The following NLGN4Y variants were observed in gnomAD, a reference collection of about 807,000 sequenced individuals.
NLGN4Y encodes neuroligin 4 Y-linked, also known as neuroligin-4, Y-linked.
Under a neutral mutation model 8.4 loss-of-function variants are expected in NLGN4Y, and 4 were observed. The observed-to-expected ratio is 0.48, with a 90% CI of 0.23 to 1.09. The LOEUF (loss-of-function observed/expected upper bound fraction) is 1.09. NLGN4Y is among the 50% of genes least tolerant of loss of function. NLGN4Y has a pLI of 0.19. For synonymous variants in NLGN4Y, 35 were observed against 75.6 expected (o/e 0.46, Z 2.78); for missense variants, 90 against 192.3 (o/e 0.47, Z 3.15).
At chrY:14,652,440 C>A in intron 2 of NLGN4Y, among the ~76,000 whole-genome samples, 2 of 32,422 alleles carry the variant, frequency 6.2e-5, no homozygotes, top group Non-Finnish European at 1.5e-4. Context: ...TTTTTCTTGA[C>A]GATTTCAATT....
chrY:14,587,411 A>G (rs764924662), intron 1 of NLGN4Y, among the ~76,000 whole-genome samples: 10 of 33,656 alleles, frequency 3.0e-4, no homozygotes, highest in Non-Finnish European at 5.9e-4. Flanking sequence ...CAAAAACCAC[A>G]GGGACTACAT....
chrY:14,758,979 T>A, intron 4 of NLGN4Y, among the ~76,000 whole-genome samples: 1 of 33,815 alleles, frequency 3.0e-5, no homozygotes. Flanking sequence ...ATCTTCTCTG[T>A]TACTGCTAGA....
At chrY:14,823,521 G>A (rs2043131324) in intron 4 of NLGN4Y, among the ~76,000 whole-genome samples, 1 of 33,787 alleles carries the variant, frequency 3.0e-5, no homozygotes, top group Non-Finnish European at 7.3e-5. Flanking sequence ...ATAGGAGTCT[G>A]TTGTGTTTAA....
In NLGN4Y at chrY:14,697,250, T is replaced by TAGA. The variant is rs2080831363; in HGVS notation, c.473-22209_473-22208insAGA. On this transcript the variant is annotated intron_variant, in intron 2 of 6. Transcript: ENST00000684976. ...ATAGATAGATAGATAGATAGATAGA[T>TAGA]TGATAGATAATAGATGTGAATCGAT... Among the ~76,000 whole-genome samples, 4 of 30,915 alleles carry TAGA rather than the reference T, an allele frequency of 1.3e-4. No individual in the cohort carries two copies. In the East Asian group the frequency reaches 2.6e-3, roughly 20 times the overall value. The allele number at this position is 30,915 out of a possible 37,273, so 82.9% of individuals were successfully genotyped here. A position where few individuals can be genotyped will look rare whatever the true frequency, so the allele number is the denominator to read the frequency against.
At chrY:14,745,570 C>G (rs2081022098) in intron 4 of NLGN4Y, among the ~76,000 whole-genome samples, 1 of 33,849 alleles carries the variant, frequency 3.0e-5, no homozygotes, top group South Asian at 6.5e-4. Context: ...TGGCATATTT[C>G]TTCTTGGCAA....
At chrY:14,838,211 A>G (rs1032801342) in intron 6 of NLGN4Y, among the ~76,000 whole-genome samples, 1 of 33,779 alleles carries the variant, frequency 3.0e-5, no homozygotes. Context: ...ATGCATAACA[A>G]ATAAAAAGCA....
intron 2 of NLGN4Y, among the ~76,000 whole-genome samples, chrY:14,651,173 T>G: frequency 3.0e-5 from 1 of 33,731 alleles, no homozygotes; most frequent in African/African-American, 1.2e-4. Flanking sequence ...ATATTACAAA[T>G]GACATATGTT....
chrY:14,559,325 AAATGT>A (rs2080219399), intron 1 of NLGN4Y, among the ~76,000 whole-genome samples: 4 of 33,450 alleles, frequency 1.2e-4, no homozygotes, highest in African/African-American at 4.6e-4. Context: ...ACAATGCCCT[AAATGT>A]CTTGAGTTTG....
chrY:14,647,533 T>C lies in NLGN4Y; in HGVS notation c.472+24942T>C, dbSNP rs766390774. Among the ~76,000 whole-genome samples, 22 of 33,909 alleles carry C rather than the reference T, an allele frequency of 6.5e-4. No individual in the cohort carries two copies. In the South Asian group the frequency reaches 0.014, roughly 22 times the overall value. The allele number at this position is 33,909 out of a possible 37,273, so 91.0% of individuals were successfully genotyped here. A position where few individuals can be genotyped will look rare whatever the true frequency, so the allele number is the denominator to read the frequency against. On this transcript the variant is annotated intron_variant, in intron 2 of 6. Transcript: ENST00000684976. ...AATAAAATATCATCTTTTCATCTTA[T>C]GTAGAACAACGTCTGTTTACTACTG...
chrY:14,717,054 A>G, intron 2 of NLGN4Y, among the ~76,000 whole-genome samples: 1 of 33,580 alleles, frequency 3.0e-5, no homozygotes, highest in African/African-American at 1.2e-4. Context: ...GTTTCACACC[A>G]TCCCGGACAA....
intron 1 of NLGN4Y, among the ~76,000 whole-genome samples, chrY:14,618,643 GC>G (rs2080498426): frequency 3.0e-5 from 1 of 33,620 alleles, no homozygotes; most frequent in Non-Finnish European, 7.4e-5. Flanking sequence ...CATTTGCACA[GC>G]CACTATCATT....
intron 4 of NLGN4Y, among the ~76,000 whole-genome samples, chrY:14,757,958 T>A: frequency 2.9e-5 from 1 of 34,611 alleles, no homozygotes; most frequent in Non-Finnish European, 7.3e-5. Context: ...CGATATCCTT[T>A]TTAACTTTTC....
chrY:14,697,241 A>ATAGG (rs2080831076), intron 2 of NLGN4Y, among the ~76,000 whole-genome samples: 3 of 31,760 alleles, frequency 9.4e-5, no homozygotes, highest in South Asian at 7.1e-4. Context: ...AGATAGATAG[A>ATAGG]TAGATAGATT....
intron 1 of NLGN4Y, among the ~76,000 whole-genome samples, chrY:14,580,415 A>G (rs2080314200): frequency 3.2e-5 from 1 of 31,544 alleles, no homozygotes; most frequent in Non-Finnish European, 7.6e-5. Context: ...TTTGTTTCCA[A>G]AGAAAGGCAT....
intron 2 of NLGN4Y, among the ~76,000 whole-genome samples, chrY:14,690,514 C>G: frequency 3.1e-5 from 1 of 32,471 alleles, no homozygotes; most frequent in South Asian, 6.8e-4. Context: ...AAAAAGTGAA[C>G]AAGACATGAC....
chrY:14,567,971 CT>C (rs767804529), intron 1 of NLGN4Y, among the ~76,000 whole-genome samples: 1 of 29,065 alleles, frequency 3.4e-5, no homozygotes, highest in Non-Finnish European at 8.4e-5. Context: ...TGTTTTCTTT[CT>C]TTTTTTTTTT....
At chrY:14,733,504 A>G in intron 4 of NLGN4Y, 2 of 356,748 alleles carry the variant, frequency 5.6e-6, no homozygotes, top group Non-Finnish European at 7.8e-6. Flanking sequence ...ATTATTTTAA[A>G]TCTCCTTTCA....
At chrY:14,644,533 A>G in intron 2 of NLGN4Y, among the ~76,000 whole-genome samples, 1 of 33,306 alleles carries the variant, frequency 3.0e-5, no homozygotes, top group African/African-American at 1.2e-4. Context: ...AGTGTAGTCA[A>G]TGTATGGTCA....
At chrY:14,780,475 A>C in intron 4 of NLGN4Y, among the ~76,000 whole-genome samples, 1 of 32,792 alleles carries the variant, frequency 3.0e-5, no homozygotes, top group Non-Finnish European at 7.5e-5. Context: ...TATGTCCCCC[A>C]AAAATTCATA....
Sources: allele counts gnomAD v4.1 joint callset (sites outside exome capture counted in the v4.1 genomes callset), GRCh38; gene constraint gnomAD v4.1.1; transcripts MANE v1.5; gene names NCBI Gene and HGNC (gene_info 2026-07-23, HGNC 2026-07-21).